The following CDK2AP1 variants were observed in gnomAD, a reference collection of about 807,000 sequenced individuals.
CDK2AP1 encodes the protein cyclin dependent kinase 2 associated protein 1, also known as cyclin-dependent kinase 2-associated protein 1.
In CDK2AP1, 10 loss-of-function variants were observed where a neutral mutation model predicts 14.1. The ratio of observed to expected loss-of-function variants is 0.71; its 90% CI spans 0.44 to 1.20. CDK2AP1 has a LOEUF of 1.20. Ranked by LOEUF, CDK2AP1 falls within the 50% of genes most tolerant of loss-of-function variation. The probability of loss-of-function intolerance (pLI) is 0.00; values close to 1 mark genes in which losing one functional copy is unlikely to be tolerated. For synonymous variants in CDK2AP1, 59 were observed against 59.8 expected (o/e 0.99, Z 0.06); for missense variants, 102 against 149.9 (o/e 0.68, Z 1.67).
Position 123,265,150 on chromosome 12 carries a change from AGGTCT to A in CDK2AP1, c.280+41_280+45del. 1 of 1,610,226 alleles carries A rather than the reference AGGTCT, an allele frequency of 6.2e-7. No individual in the cohort carries two copies. The highest frequency in any genetic ancestry group is 1.7e-4 in the Middle Eastern group (1 of 6,050). ...TCCCCAAAAGTCTTTCCAGAGTTAA[AGGTCT>A]AGCACTGTGGTCACCGACAGGGCAG... On this transcript the variant is annotated intron_variant, in intron 3 of 3. Transcript: ENST00000261692. This position sits in a 1 kb window ranked among gnomAD's most constrained non-coding sequence, Gnocchi z 5.3.
At chr12:123,268,321 G>T (rs1044227353) in intron 1 of CDK2AP1, 11 of 765,288 alleles carry the variant, frequency 1.4e-5, no homozygotes, top group South Asian at 5.9e-5. Flanking sequence ...TGTGGGTGAG[G>T]GGAGGGGCAG....
In CDK2AP1 at chr12:123,265,817, G is replaced by A. The variant is rs1272385828; in HGVS notation, c.154-495C>T. On this transcript the variant is annotated intron_variant, in intron 2 of 3. Transcript: ENST00000261692. This position sits in a 1 kb window ranked among gnomAD's most constrained non-coding sequence, Gnocchi z 5.3. ...AAAAGAGTCCAAACAGCATTTCCCA[G>A]GATGCAGATGGATGGGAGGGCACAT... Among the ~76,000 whole-genome samples the A allele has an allele frequency of 6.6e-6, 1 of 152,204 alleles. No individual in the cohort carries two copies. Among genetic ancestry groups the A allele is most frequent in the Non-Finnish European group, 1.5e-5 (1 of 68,036 alleles).
rs1266294653 is a variant in CDK2AP1 at position 123,271,625 on chromosome 12, G to A, written c.-7C>T. The A allele has an allele frequency of 6.1e-6, 6 of 988,006 alleles. No individual in the cohort carries two copies. In the South Asian group the frequency reaches 2.7e-4, roughly 44 times the overall value. 61.2% of individuals were successfully genotyped at this position (988,006 alleles called of 1,614,324 possible). On this transcript the variant is annotated 5_prime_UTR_variant, in exon 1 of 4. Transcript: ENST00000261692. ...AGTTCGGTTTGTAAGACATCCCCCCGGGCGGCGGGCGCGCCGGGCGCGGCG... is the reference window on the plus strand; with the variant it reads ...AGTTCGGTTTGTAAGACATCCCCCCAGGCGGCGGGCGCGCCGGGCGCGGCG...
At position 123,261,822 on chromosome 12, in the gene CDK2AP1, C is replaced by G; in HGVS notation, c.281-19G>C. On this transcript the variant is annotated intron_variant, in intron 3 of 3. Coordinates refer to ENST00000261692, the MANE Select transcript of CDK2AP1 (RefSeq NM_004642.4). ...ATGATGCCTGAAACAGAGGCAGAGA[C>G]CTGAGGTCAGCAAGTGCACAGGACC... 1.3e-6 allele frequency: 2 copies of G among 1,591,160 alleles called. No individual in the cohort carries two copies. The highest frequency in any genetic ancestry group is 1.7e-6 in the Non-Finnish European group (2 of 1,158,822).
chr12:123,268,369 C>T (rs776385158), intron 1 of CDK2AP1: 3 of 295,636 alleles, frequency 1.0e-5, no homozygotes, highest in South Asian at 1.3e-4. Context: ...CTGGGGGAGC[C>T]GGGAGGAGCA....
intron 1 of CDK2AP1, chr12:123,268,048 T>C: frequency 2.7e-6 from 1 of 367,180 alleles, no homozygotes; most frequent in Non-Finnish European, 3.8e-6. Context: ...CGCAGCCTCC[T>C]GGATCTGGCA....
At chr12:123,263,400 C>T (rs1054771622) in intron 3 of CDK2AP1, among the ~76,000 whole-genome samples, 15 of 152,088 alleles carry the variant, frequency 9.9e-5, no homozygotes, top group Non-Finnish European at 1.6e-4. Context: ...ACTAGGTCTT[C>T]CTTGTTACTA....
In CDK2AP1 at chr12:123,265,448, A is replaced by ATCTTG; in HGVS notation, c.154-127_154-126insCAAGA. 1 of 820,858 alleles carries ATCTTG rather than the reference A, an allele frequency of 1.2e-6. No individual in the cohort carries two copies. Among genetic ancestry groups the ATCTTG allele is most frequent in the Non-Finnish European group, 2.0e-6 (1 of 499,386 alleles). 50.8% of individuals were successfully genotyped at this position (820,858 alleles called of 1,614,324 possible). A position where few individuals can be genotyped will look rare whatever the true frequency, so the allele number is the denominator to read the frequency against. On this transcript the variant is annotated intron_variant, in intron 2 of 3. Coordinates refer to ENST00000261692, the MANE Select transcript of CDK2AP1 (RefSeq NM_004642.4). This position sits in a 1 kb window ranked among gnomAD's most constrained non-coding sequence, Gnocchi z 5.3. Reference sequence around the variant, plus strand: ...GACCCAGGAGGTGGAAGTTGCAGTGAGCCAAGATCACTCCACTGCACTCCA... The same window carrying ATCTTG: ...GACCCAGGAGGTGGAAGTTGCAGTGATCTTGGCCAAGATCACTCCACTGCACTCCA...
chr12:123,263,703 G>C (rs1379095349), intron 3 of CDK2AP1, among the ~76,000 whole-genome samples: 1 of 152,168 alleles, frequency 6.6e-6, no homozygotes, highest in African/African-American at 2.4e-5. Context: ...ATAAACTCCA[G>C]AGCAACCCCG....
In CDK2AP1 at chr12:123,271,593, G is replaced by A. The variant is rs774151218; in HGVS notation, c.26C>T (p.Ala9Val). Residue 9 changes from alanine to valine, a missense_variant, in exon 1 of 4, where the codon GCG becomes GTG. By Grantham distance (64) the Ala-to-Val change is moderately conservative (BLOSUM62 0). Around this residue, in one of 2 missense-constraint regions of CDK2AP1, gnomAD observed 50 missense variants for 42.7 expected, o/e 1.17. Coordinates refer to ENST00000261692, the MANE Select transcript of CDK2AP1 (RefSeq NM_004642.4). MSYKPNLA[A>V]HMPAAALNAA... is the part of the protein sequence containing the mutation. Reference sequence around the variant, plus strand: ...GTTGAGGGCGGCGGCGGGCATGTGCGCGGCCAAGTTCGGTTTGTAAGACAT... The same window carrying A: ...GTTGAGGGCGGCGGCGGGCATGTGCACGGCCAAGTTCGGTTTGTAAGACAT... The A allele has an allele frequency of 9.9e-7, 1 of 1,009,266 alleles. No individual in the cohort carries two copies. Among genetic ancestry groups the A allele is most frequent in the Admixed American group, 5.1e-5 (1 of 19,458 alleles). 62.5% of individuals were successfully genotyped at this position (1,009,266 alleles called of 1,614,324 possible).
Position 123,264,034 on chromosome 12 carries a change from G to A in CDK2AP1, c.280+1162C>T, listed in dbSNP as rs551964516. Among the ~76,000 whole-genome samples the A allele has an allele frequency of 4.0e-5, 6 of 151,894 alleles. No homozygotes were observed. The South Asian group carries it at 6.2e-4, about 16-fold the overall frequency. On this transcript the variant is annotated intron_variant, in intron 3 of 3. Transcript: ENST00000261692. ...TGAGGCAGGAAAATTGTTTGAACCC[G>A]GGAGGCGGAGGTTGCAGTGGGCCGA...
intron 3 of CDK2AP1, among the ~76,000 whole-genome samples, chr12:123,264,902 C>T (rs1354258763): frequency 6.6e-6 from 1 of 152,132 alleles, no homozygotes; most frequent in Non-Finnish European, 1.5e-5. Flanking sequence ...GCACTTCGAA[C>T]ACACCCTTGA....
chr12:123,270,824 C>G (rs1255756918), intron 1 of CDK2AP1: 2 of 985,264 alleles, frequency 2.0e-6, no homozygotes, highest in African/African-American at 1.7e-5. Context: ...CCACTGCCCC[C>G]ACGCCCGCGC....
At chr12:123,268,225 T>C in intron 1 of CDK2AP1, 1 of 985,486 alleles carries the variant, frequency 1.0e-6, no homozygotes, top group Non-Finnish European at 1.2e-6. Flanking sequence ...GGTCTCTCTC[T>C]CACACACACA....
At chr12:123,266,363 G>A (rs994037753) in intron 2 of CDK2AP1, among the ~76,000 whole-genome samples, 8 of 152,236 alleles carry the variant, frequency 5.3e-5, no homozygotes, top group African/African-American at 9.6e-5. Flanking sequence ...TTCTTCAGCC[G>A]GTCCCGCTCA....
intron 3 of CDK2AP1, among the ~76,000 whole-genome samples, chr12:123,264,630 G>A (rs924086644): frequency 1.3e-5 from 2 of 151,928 alleles, no homozygotes; most frequent in Non-Finnish European, 2.9e-5. Context: ...ACGTCCTTTC[G>A]AAATCAGACG....
In CDK2AP1 at chr12:123,265,194, A is replaced by G; in HGVS notation, c.280+2T>C. On this transcript the variant is annotated splice_donor_variant, in intron 3 of 3. Coordinates refer to ENST00000261692, the MANE Select transcript of CDK2AP1 (RefSeq NM_004642.4). LOFTEE classifies it high-confidence loss of function. The surrounding 1 kb of genome is among the most constrained non-coding windows in gnomAD (Gnocchi z 5.3). The stretch of plus-strand genomic sequence containing the variant: ...CCGACAGGGCAGCGGGGCCGGGCTT[A>G]CCGCGCTTCAGCCTCTCCATGGCAC... 1.2e-6 allele frequency: 2 copies of G among 1,613,866 alleles called. No homozygotes were observed. The highest frequency in any genetic ancestry group is 1.7e-6 in the Non-Finnish European group (2 of 1,179,814).
rs562671739 is a variant in CDK2AP1, at chr12:123,268,696, C to T, written c.56-1414G>A. ...CCACGTGGGGATGATGAGACACATG[C>T]GGATGATGAGACACGTGCGCTATAG... On this transcript the variant is annotated intron_variant, in intron 1 of 3. Coordinates refer to ENST00000261692, the MANE Select transcript of CDK2AP1 (RefSeq NM_004642.4). Among the ~76,000 whole-genome samples the T allele has an allele frequency of 3.9e-5, 6 of 152,304 alleles. No homozygotes were observed. In the East Asian group the frequency reaches 1.2e-3, roughly 29 times the overall value.
At chr12:123,270,861 G>A in intron 1 of CDK2AP1, 1 of 985,050 alleles carries the variant, frequency 1.0e-6, no homozygotes, top group South Asian at 4.7e-5. Context: ...CCAGAGCTGC[G>A]CCAACTTCGT....
Sources: allele counts gnomAD v4.1 joint callset (sites outside exome capture counted in the v4.1 genomes callset), GRCh38; gene constraint gnomAD v4.1.1; regional missense constraint gnomAD v4.1.1; non-coding constraint Gnocchi (gnomAD v3.1); transcripts MANE v1.5; gene names NCBI Gene and HGNC (gene_info 2026-07-23, HGNC 2026-07-21).